Variants in KCNT2 observed in about 807,000 individuals in gnomAD.
KCNT2 encodes potassium sodium-activated channel subfamily T member 2.
KCNT2 carries 67 observed loss-of-function variants against 153.8 expected under a neutral mutation model. The ratio of observed to expected loss-of-function variants is 0.44; its 90% confidence interval spans 0.36 to 0.53. KCNT2 has a LOEUF of 0.53. Among genes scored for constraint, KCNT2 ranks in the 20% least tolerant of loss-of-function variants. KCNT2 has a pLI of 0.00. For synonymous variants in KCNT2, 500 were observed against 458.8 expected (o/e 1.09, Z -1.15); for missense variants, 975 against 1,354.8 (o/e 0.72, Z 4.40).
chr1:196,499,972 C>G (rs932224148), intron 1 of KCNT2, among the ~76,000 whole-genome samples: 2 of 151,752 alleles, frequency 1.3e-5, no homozygotes, highest in African/African-American at 4.8e-5. Flanking sequence ...GGTGAAACCC[C>G]ATCTCTACTA....
intron 14 of KCNT2, among the ~76,000 whole-genome samples, chr1:196,372,333 A>G (rs1668607838): frequency 6.6e-6 from 1 of 151,978 alleles, no homozygotes; most frequent in Non-Finnish European, 1.5e-5. Flanking sequence ...CTTCACCTAA[A>G]CAATTATCAA....
At chr1:196,500,621 T>G (rs1389894126) in intron 1 of KCNT2, among the ~76,000 whole-genome samples, 2 of 152,184 alleles carry the variant, frequency 1.3e-5, no homozygotes, top group African/African-American at 4.8e-5. Context: ...TTCCTATCCA[T>G]TTCCAAATAT....
intron 22 of KCNT2, among the ~76,000 whole-genome samples, chr1:196,292,811 CAAAAAAAAAAAAAAA>C (rs750026564): frequency 1.4e-5 from 1 of 69,292 alleles, no homozygotes; most frequent in Non-Finnish European, 2.7e-5. Flanking sequence ...GACTCTGTCT[CAAAAAAAAAAAAAAA>C]AAAAAAAAGG....
chr1:196,458,308 A>G (rs1676856229), intron 8 of KCNT2, among the ~76,000 whole-genome samples: 1 of 151,890 alleles, frequency 6.6e-6, no homozygotes, highest in African/African-American at 2.4e-5. Context: ...TTTCTTTTAT[A>G]AAAATGCATT....
At chr1:196,358,995 T>A (rs1667401774) in intron 14 of KCNT2, among the ~76,000 whole-genome samples, 1 of 151,964 alleles carries the variant, frequency 6.6e-6, no homozygotes, top group Admixed American at 6.6e-5. Context: ...AAATACCAGA[T>A]TATAGAGAAC....
At chr1:196,327,636 T>C (rs1321611418) in intron 18 of KCNT2, among the ~76,000 whole-genome samples, 1 of 151,914 alleles carries the variant, frequency 6.6e-6, no homozygotes, top group Non-Finnish European at 1.5e-5. Flanking sequence ...GTTAGTTGTC[T>C]GGAACATTTA....
At chr1:196,239,381 G>A (rs1381373368) in intron 26 of KCNT2, among the ~76,000 whole-genome samples, 1 of 151,386 alleles carries the variant, frequency 6.6e-6, no homozygotes, top group Non-Finnish European at 1.5e-5. Flanking sequence ...AAATTATATG[G>A]AGAAAAATTT....
Position 196,390,601 on chromosome 1 carries a change from C to A in KCNT2, c.1294+7962G>T, listed in dbSNP as rs145598339. 6.6e-5 allele frequency among the ~76,000 whole-genome samples: 10 copies of A among 151,524 alleles called. No individual in the cohort carries two copies. In the East Asian group the frequency reaches 1.8e-3, roughly 27 times the overall value. ...TATGAGGTTTTTTTTGTCCTCCTCACTGCACTCAACATTTCCCCTAGAGTT... is the reference window on the plus strand; with the variant it reads ...TATGAGGTTTTTTTTGTCCTCCTCAATGCACTCAACATTTCCCCTAGAGTT... On this transcript the variant is annotated intron_variant, in intron 13 of 27. Transcript: ENST00000294725.
intron 12 of KCNT2, among the ~76,000 whole-genome samples, chr1:196,417,316 A>G (rs1457177448): frequency 6.6e-6 from 1 of 152,098 alleles, no homozygotes; most frequent in African/African-American, 2.4e-5. Context: ...CTAATGGCAC[A>G]TTTTTCAAAT....
intron 8 of KCNT2, among the ~76,000 whole-genome samples, chr1:196,431,094 C>T (rs936367360): frequency 2.6e-5 from 4 of 152,124 alleles, no homozygotes; most frequent in Non-Finnish European, 2.9e-5. Context: ...CGCCACAATG[C>T]GTCATCTTGG....
chr1:196,437,289 AT>A (rs67655728), intron 8 of KCNT2, among the ~76,000 whole-genome samples: 66,095 of 128,174 alleles, frequency 0.52, 18,855 homozygotes, highest in Middle Eastern at 0.7. Flanking sequence ...TAAAATATAT[AT>A]AATATATATA....
intron 7 of KCNT2, among the ~76,000 whole-genome samples, chr1:196,465,673 A>G (rs1470157615): frequency 6.6e-6 from 1 of 151,734 alleles, no homozygotes. Flanking sequence ...TGTTGCACTT[A>G]CTCCCCCAAA....
At chr1:196,537,105 G>A (rs1402034764) in intron 1 of KCNT2, among the ~76,000 whole-genome samples, 1 of 152,156 alleles carries the variant, frequency 6.6e-6, no homozygotes, top group South Asian at 2.1e-4. Context: ...TTCCATAGGG[G>A]TTGTGCCTGC....
intron 5 of KCNT2, 128 bp downstream of exon 5, chr1:196,479,051 C>A (rs376692977): frequency 7.8e-6 from 5 of 637,116 alleles, no homozygotes; most frequent in Non-Finnish European, 1.1e-5. Context: ...GCTACTGGAG[C>A]GGCTCAAAAC....
At chr1:196,512,237 CCTCAGCTGG>C (rs202124698) in intron 1 of KCNT2, among the ~76,000 whole-genome samples, 2,149 of 152,180 alleles carry the variant, frequency 0.014, 25 homozygotes, top group Non-Finnish European at 0.021. Context: ...TTCTGAGTAA[CCTCAGCTGG>C]CTCTTTCTGC....
intron 27 of KCNT2, among the ~76,000 whole-genome samples, chr1:196,232,950 T>C (rs988026533): frequency 6.6e-6 from 1 of 151,326 alleles, no homozygotes; most frequent in African/African-American, 2.4e-5. Context: ...TTATATTTAT[T>C]TGAAAAAAGG....
chr1:196,468,628 C>T (rs994186964), intron 6 of KCNT2, among the ~76,000 whole-genome samples: 2 of 151,772 alleles, frequency 1.3e-5, no homozygotes, highest in South Asian at 2.1e-4. Context: ...ATATTTTCAA[C>T]GTATGAAAAA....
chr1:196,278,969 A>T (rs1007885579), intron 25 of KCNT2, among the ~76,000 whole-genome samples: 1 of 152,140 alleles, frequency 6.6e-6, no homozygotes, highest in Non-Finnish European at 1.5e-5. Context: ...TTCCCTTTCC[A>T]CCAGATGAGA....
In KCNT2 at chr1:196,285,172, T is replaced by C. The variant is rs371815357; in HGVS notation, c.2697+485A>G. Among the ~76,000 whole-genome samples the C allele has an allele frequency of 5.3e-5, 8 of 152,206 alleles. No homozygotes were observed. In the East Asian group the frequency reaches 9.6e-4, roughly 18 times the overall value. On this transcript the variant is annotated intron_variant, in intron 23 of 27. Coordinates refer to ENST00000294725, the MANE Select transcript of KCNT2 (RefSeq NM_198503.5). ...GAACAAACTCAGTGGTTTTAGTTGT[T>C]GTAGTCTTTTCATATTTTTCTAAAA...
Sources: gnomAD v4.1 joint callset for allele counts (sites outside exome capture counted in the v4.1 genomes callset) on GRCh38, gnomAD v4.1.1 for gene constraint, MANE v1.5 for transcripts, NCBI Gene and HGNC (gene_info 2026-07-23, HGNC 2026-07-21) for gene names.